Variants in KARS1 observed in about 807,000 individuals in gnomAD.
KARS1 encodes the protein lysine--tRNA ligase.
In KARS1, 50 loss-of-function variants were observed where a neutral mutation model predicts 63.9. The ratio of observed to expected loss-of-function variants is 0.78; its 90% CI spans 0.62 to 0.99. The LOEUF (loss-of-function observed/expected upper bound fraction) is 0.99. Ranked by LOEUF, KARS1 falls within the 50% of genes least tolerant of loss-of-function variation. The probability of loss-of-function intolerance (pLI) is 0.00; values close to 1 mark genes in which losing one functional copy is unlikely to be tolerated. For missense variants in KARS1, 816 were observed against 754.5 expected (o/e 1.08, Z -0.95); for synonymous variants, 320 against 264.6 (o/e 1.21, Z -2.03).
In KARS1 at chr16:75,631,219, T is replaced by G. The variant is rs758468945; in HGVS notation, c.1287A>C (p.Ala429=). ...TRKILDDICV[A]KAVECPPPRT... ...GAGGTGGAGGGCATTCAACAGCTTT[T>G]GCCACACAGATATCATCAAGAATTT... is the stretch of plus-strand genomic sequence containing the variant. The change falls in exon 10 of 14, where the codon GCA becomes GCC. Residue 429 remains alanine, a synonymous_variant. Transcript: ENST00000302445. The G allele has an allele frequency of 1.9e-6, 3 of 1,614,102 alleles. No homozygotes were observed. In the Admixed American group the frequency reaches 5.0e-5, roughly 27 times the overall value.
intron 3 of KARS1, among the ~76,000 whole-genome samples, chr16:75,639,119 G>A (rs2082195066): frequency 1.3e-5 from 2 of 152,018 alleles, no homozygotes; most frequent in Non-Finnish European, 2.9e-5. Context: ...AGTGAGCCGA[G>A]ATTGCGCCAT....
intron 6 of KARS1, among the ~76,000 whole-genome samples, chr16:75,634,897 AT>A (rs1567500717): frequency 1.3e-5 from 2 of 152,210 alleles, no homozygotes. Flanking sequence ...TTTATTAAAA[AT>A]TTAGGCTGGT....
intron 11 of KARS1, among the ~76,000 whole-genome samples, chr16:75,629,933 G>T (rs75260215): frequency 6.6e-6 from 1 of 152,228 alleles, no homozygotes; most frequent in African/African-American, 2.4e-5. Flanking sequence ...ACGGTGAGGA[G>T]GGTGAGAGAG....
intron 6 of KARS1, chr16:75,635,399 T>C (rs1279255028): frequency 5.6e-6 from 2 of 355,454 alleles, no homozygotes; most frequent in Non-Finnish European, 1.0e-5. Flanking sequence ...AATCAAAAAA[T>C]ATTTCTTAAT....
chr16:75,634,859 G>A (rs554006873), intron 6 of KARS1, among the ~76,000 whole-genome samples: 1 of 152,166 alleles, frequency 6.6e-6, no homozygotes, highest in African/African-American at 2.4e-5. Context: ...ACAGGTGTGA[G>A]CCACTGCGCC....
Position 75,631,639 on chromosome 16 carries a change from C to T in KARS1, c.1079-50G>A, listed in dbSNP as rs143291590. Reference sequence around the variant, plus strand: ...CGGGAATGAAATCCAGGCAGCCCTCCTCTGAAAGCAGCATACCAACCACCC... The same window carrying T: ...CGGGAATGAAATCCAGGCAGCCCTCTTCTGAAAGCAGCATACCAACCACCC... On this transcript the variant is annotated intron_variant, in intron 8 of 13. Transcript: ENST00000302445. 53 of 1,613,906 alleles carry T rather than the reference C, an allele frequency of 3.3e-5. No individual in the cohort carries two copies. The African/African-American group carries it at 6.5e-4, about 20-fold the overall frequency.
intron 2 of KARS1, 29 bp downstream of exon 2, chr16:75,641,535 C>G (rs1459590921): frequency 6.9e-6 from 11 of 1,604,942 alleles, no homozygotes; most frequent in Non-Finnish European, 9.4e-6. Context: ...TTCCTGTGCC[C>G]AACCATGCTG....
chr16:75,629,198 CT>C (rs2082083009), intron 12 of KARS1, among the ~76,000 whole-genome samples: 1 of 152,228 alleles, frequency 6.6e-6, no homozygotes, highest in Admixed American at 6.5e-5. Context: ...AAGCGTCACG[CT>C]TTCCATACGG....
Position 75,631,873 on chromosome 16 carries a change from C to T in KARS1, c.916-18G>A, listed in dbSNP as rs1260647981. On this transcript the variant is annotated intron_variant, in intron 7 of 13. Coordinates refer to ENST00000302445, the MANE Select transcript of KARS1 (RefSeq NM_005548.3). The stretch of plus-strand genomic sequence containing the variant: ...ACAAGCATCTAACAACAACACATGG[C>T]CACGGTCATGACAGCTAATCTTTTT... 1.9e-6 allele frequency: 3 copies of T among 1,613,482 alleles called. No homozygotes were observed. Among genetic ancestry groups the T allele is most frequent in the Non-Finnish European group, 8.5e-7 (1 of 1,180,010 alleles).
At chr16:75,646,527 G>GA (rs917410368) in intron 1 of KARS1, among the ~76,000 whole-genome samples, 1 of 150,148 alleles carries the variant, frequency 6.7e-6, no homozygotes, top group Non-Finnish European at 1.5e-5. Flanking sequence ...GCGACAGAGC[G>GA]AGACTCCATC....
chr16:75,638,130 A>G (rs1361589329), intron 3 of KARS1, among the ~76,000 whole-genome samples: 1 of 152,206 alleles, frequency 6.6e-6, no homozygotes, highest in Non-Finnish European at 1.5e-5. Flanking sequence ...TTAAAAAACT[A>G]AAAATGGAGA....
intron 11 of KARS1, 78 bp from the exon 12 acceptor site, chr16:75,629,619 A>G: frequency 6.8e-7 from 1 of 1,473,130 alleles, no homozygotes; most frequent in Non-Finnish European, 9.4e-7. Flanking sequence ...TTTTTTTTTG[A>G]GACGGAGTCT....
At chr16:75,644,494 T>C (rs929936553) in intron 1 of KARS1, 2 of 1,517,218 alleles carry the variant, frequency 1.3e-6, no homozygotes, top group Non-Finnish European at 1.8e-6. Flanking sequence ...TGGTGTCAGA[T>C]GGGACAGACA....
At chr16:75,644,269 TAA>T in intron 1 of KARS1, 2 of 1,587,836 alleles carry the variant, frequency 1.3e-6, no homozygotes, top group Non-Finnish European at 1.7e-6. Flanking sequence ...ATAAAGAAGG[TAA>T]TGGGCACCAA....
At chr16:75,638,217 CTT>C (rs57551067) in intron 3 of KARS1, among the ~76,000 whole-genome samples, 68 of 146,934 alleles carry the variant, frequency 4.6e-4, no homozygotes, top group African/African-American at 1.3e-3. Flanking sequence ...CAAAAAGTTC[CTT>C]TTTTTTTTTT....
intron 1 of KARS1, among the ~76,000 whole-genome samples, chr16:75,644,026 G>C (rs1308937083): frequency 6.6e-6 from 1 of 152,218 alleles, no homozygotes; most frequent in Non-Finnish European, 1.5e-5. Context: ...GCTGGCATTA[G>C]AAATTATTTG....
intron 1 of KARS1, among the ~76,000 whole-genome samples, chr16:75,646,039 C>T (rs777697166): frequency 1.8e-4 from 28 of 152,036 alleles, no homozygotes; most frequent in Non-Finnish European, 2.2e-4. Flanking sequence ...CACAGATATA[C>T]CACATTCAAT....
rs2082304254 is a variant in KARS1 at position 75,647,602 on chromosome 16, C to T, written c.38G>A (p.Gly13Asp). The change falls in exon 1 of 14, where the codon GGC becomes GAC. Residue 13 changes from glycine (G) to aspartate (D), a missense_variant. Gly to Asp is a moderately conservative substitution (Grantham distance 94). Coordinates refer to ENST00000302445, the MANE Select transcript of KARS1 (RefSeq NM_005548.3). ...CTTCTTGCTCAGTTTCGGCTCGCTG[C>T]CATCCACTTTCACCTCGGCCGCCTG... ...AVQAAEVKVD[G>D]SEPKLSKNEL... 2 of 1,613,462 alleles carry T rather than the reference C, an allele frequency of 1.2e-6. No individual in the cohort carries two copies. The highest frequency in any genetic ancestry group is 1.7e-6 in the Non-Finnish European group (2 of 1,179,832).
chr16:75,635,240 C>T (rs1460769938), intron 6 of KARS1: 1 of 277,064 alleles, frequency 3.6e-6, no homozygotes, highest in East Asian at 9.0e-5. Flanking sequence ...CGTATATATG[C>T]CCAGTAAATG....
Sources: allele counts gnomAD v4.1 joint callset (sites outside exome capture counted in the v4.1 genomes callset), GRCh38; gene constraint gnomAD v4.1.1; transcripts MANE v1.5; gene names NCBI Gene and HGNC (gene_info 2026-07-23, HGNC 2026-07-21).